Variants in ADGRE3 observed in about 807,000 individuals in gnomAD.
ADGRE3 encodes the protein EGF-like module receptor 3.
ADGRE3 carries 88 observed loss-of-function variants against 80.1 expected under a neutral mutation model. That is an observed-to-expected ratio of 1.10 (90% CI 0.93 to 1.31). ADGRE3 has a LOEUF of 1.31. Among genes scored for constraint, ADGRE3 ranks in the 40% most tolerant of loss-of-function variants. The pLI is 0.00. For missense variants in ADGRE3, 715 were observed against 776.5 expected (o/e 0.92, Z 0.94); for synonymous variants, 281 against 294.8 (o/e 0.95, Z 0.48).
At chr19:14,603,220 A>G in the ADGRE3 span, among the ~76,000 whole-genome samples, 2 of 152,098 alleles carry the variant, frequency 1.3e-5, no homozygotes, top group Non-Finnish European at 2.9e-5. Flanking sequence ...GGGTTCTCCC[A>G]TTTTACTTCT....
chr19:14,643,498 A>G (rs1971309966), intron 9 of ADGRE3, among the ~76,000 whole-genome samples: 1 of 151,974 alleles, frequency 6.6e-6, no homozygotes, highest in African/African-American at 2.4e-5. Context: ...GAGGTCAACC[A>G]TGTAGGCATT....
intron 15 of ADGRE3, among the ~76,000 whole-genome samples, chr19:14,624,837 C>T (rs978039152): frequency 1.3e-5 from 2 of 151,750 alleles, no homozygotes; most frequent in Non-Finnish European, 2.9e-5. Context: ...CACCAAACAC[C>T]GCATGTTCTC....
At chr19:14,665,322 C>CA (rs992406850) in intron 2 of ADGRE3, among the ~76,000 whole-genome samples, 1 of 151,976 alleles carries the variant, frequency 6.6e-6, no homozygotes, top group Admixed American at 6.6e-5. Context: ...CTCGGCCTCT[C>CA]AAAGTGCTGG....
chr19:14,674,507 A>G (rs180742568), intron 1 of ADGRE3, among the ~76,000 whole-genome samples: 103 of 152,176 alleles, frequency 6.8e-4, no homozygotes, highest in Middle Eastern at 6.8e-3. Flanking sequence ...AAAAAACAAA[A>G]CAAAACAAAC....
At chr19:14,639,920 C>T (rs558737048) in intron 10 of ADGRE3, among the ~76,000 whole-genome samples, 1 of 152,184 alleles carries the variant, frequency 6.6e-6, no homozygotes, top group South Asian at 2.1e-4. Context: ...TACAATAGCT[C>T]TCTTGTATTT....
intron 8 of ADGRE3, among the ~76,000 whole-genome samples, chr19:14,646,546 CTT>C (rs199907123): frequency 2.4e-4 from 29 of 120,658 alleles, no homozygotes; most frequent in South Asian, 2.7e-4. Flanking sequence ...CTAGCTAATT[CTT>C]TTTTTTTTTT....
intron 1 of ADGRE3, among the ~76,000 whole-genome samples, chr19:14,673,347 A>G (rs1972307951): frequency 6.6e-6 from 1 of 152,252 alleles, no homozygotes. Flanking sequence ...GTAGCTGCTT[A>G]ATAAATGTAA....
chr19:14,607,154 C>A, the ADGRE3 span: 1 of 834,234 alleles, frequency 1.2e-6, no homozygotes, highest in Non-Finnish European at 1.6e-6. Flanking sequence ...GGGCCCTGAC[C>A]ATGGGGAGGG....
At chr19:14,669,875 G>A (rs1972205004) in intron 1 of ADGRE3, among the ~76,000 whole-genome samples, 1 of 152,056 alleles carries the variant, frequency 6.6e-6, no homozygotes, top group Non-Finnish European at 1.5e-5. Flanking sequence ...TTCTTTAAGA[G>A]ATCTCCAAAC....
chr19:14,607,649 C>T, the ADGRE3 span, among the ~76,000 whole-genome samples: 1 of 151,860 alleles, frequency 6.6e-6, no homozygotes, highest in African/African-American at 2.4e-5. Context: ...GATCTCAGCT[C>T]ACTGTAATCT....
chr19:14,656,370 GA>G (rs1971763205), intron 5 of ADGRE3, among the ~76,000 whole-genome samples: 3 of 55,544 alleles, frequency 5.4e-5, no homozygotes, highest in Admixed American at 3.4e-4. Context: ...AAAAAAAAAA[GA>G]AAAGAAAAAA....
the ADGRE3 span, chr19:14,607,164 G>A: frequency 4.1e-6 from 3 of 733,332 alleles, no homozygotes; most frequent in Non-Finnish European, 5.7e-6. Flanking sequence ...CATGGGGAGG[G>A]GAGAAGGTGA....
chr19:14,619,584 G>T, intron 15 of ADGRE3, 113 bp from the exon 16 acceptor site: 1 of 781,946 alleles, frequency 1.3e-6, no homozygotes, highest in Non-Finnish European at 2.2e-6. Flanking sequence ...TGAACCAGCA[G>T]GCAAGGATGG....
At chr19:14,667,507 G>A (rs1972136479) in intron 2 of ADGRE3, among the ~76,000 whole-genome samples, 1 of 152,078 alleles carries the variant, frequency 6.6e-6, no homozygotes, top group South Asian at 2.1e-4. Flanking sequence ...ATACTATGCA[G>A]CCATAAAAAA....
chr19:14,609,666 C>T, the ADGRE3 span, among the ~76,000 whole-genome samples: 3,126 of 151,636 alleles, frequency 0.021, 55 homozygotes, highest in African/African-American at 0.047. Flanking sequence ...GGTGAAACCC[C>T]GTCTCTACTA....
the ADGRE3 span, among the ~76,000 whole-genome samples, chr19:14,605,651 T>C: frequency 6.6e-6 from 1 of 152,248 alleles, no homozygotes; most frequent in Non-Finnish European, 1.5e-5. Flanking sequence ...TCACCATCAA[T>C]TTGTTTGGAG....
At chr19:14,625,384 A>C (rs1970709720) in intron 15 of ADGRE3, 108 bp downstream of exon 15, 1 of 775,606 alleles carries the variant, frequency 1.3e-6, no homozygotes, top group African/African-American at 1.7e-5. Flanking sequence ...CAGAACTTAA[A>C]AAACAAAAAC....
At chr19:14,659,559 A>C (rs1181624754) in intron 4 of ADGRE3, among the ~76,000 whole-genome samples, 4 of 151,976 alleles carry the variant, frequency 2.6e-5, no homozygotes, top group Admixed American at 6.6e-5. Context: ...GGAAGGGTGC[A>C]CCTGTAGTCC....
the ADGRE3 span, among the ~76,000 whole-genome samples, chr19:14,602,242 T>A: frequency 6.6e-6 from 1 of 152,178 alleles, no homozygotes. Context: ...TTTGGATTTT[T>A]AAAATCTGAT....
Sources: gnomAD v4.1 joint callset for allele counts (sites outside exome capture counted in the v4.1 genomes callset) on GRCh38, gnomAD v4.1.1 for gene constraint, MANE v1.5 for transcripts, NCBI Gene and HGNC (gene_info 2026-07-23, HGNC 2026-07-21) for gene names.